Variants in PLEKHA7 observed in about 807,000 individuals in gnomAD.
PLEKHA7 encodes the protein pleckstrin homology domain containing A7.
Under a neutral mutation model 170.0 loss-of-function variants are expected in PLEKHA7, and 104 were observed. The ratio of observed to expected loss-of-function variants is 0.61; its 90% CI spans 0.52 to 0.72. The LOEUF is 0.72. Ranked by LOEUF, PLEKHA7 falls within the 30% of genes least tolerant of loss-of-function variation. The pLI is 0.00. For missense variants in PLEKHA7, 1,615 were observed against 1,671.7 expected (o/e 0.97, Z 0.59); for synonymous variants, 648 against 660.8 (o/e 0.98, Z 0.30).
At chr11:16,885,048 T>C (rs11024069) in intron 3 of PLEKHA7, among the ~76,000 whole-genome samples, 25,373 of 152,174 alleles carry the variant, frequency 0.17, 2,621 homozygotes, top group Non-Finnish European at 0.24. Context: ...TTTTAAGAAA[T>C]AAAGATTTCT....
intron 3 of PLEKHA7, among the ~76,000 whole-genome samples, chr11:16,917,246 G>A (rs965936047): frequency 2.6e-5 from 4 of 152,106 alleles, no homozygotes; most frequent in East Asian, 1.9e-4. Flanking sequence ...AAAATTGGCC[G>A]TTGACTTGCC....
In PLEKHA7 at chr11:16,790,795, T is replaced by C. The variant is rs1428692104; in HGVS notation, c.3052+3A>G. The C allele has an allele frequency of 6.2e-7, 1 of 1,608,246 alleles. No homozygotes were observed. The highest frequency in any genetic ancestry group is 1.1e-5 in the South Asian group (1 of 89,990). Reference sequence around the variant, plus strand: ...AGAAACTCCAGGGAGGGCCCTGCCTTACCTCTGCCTGGCAGCGTCTGGTAC... The same window carrying C: ...AGAAACTCCAGGGAGGGCCCTGCCTCACCTCTGCCTGGCAGCGTCTGGTAC... On this transcript the variant is annotated splice_donor_region_variant and intron_variant, in intron 21 of 26. Coordinates refer to ENST00000531066, the MANE Select transcript of PLEKHA7 (RefSeq NM_001329630.2).
chr11:16,846,373 C>T (rs1852414111), intron 8 of PLEKHA7, among the ~76,000 whole-genome samples: 2 of 152,146 alleles, frequency 1.3e-5, no homozygotes, highest in African/African-American at 4.8e-5. Context: ...AACCTTTAGG[C>T]TGACTCCAAG....
chr11:16,917,589 T>C lies in PLEKHA7; in HGVS notation c.222-46407A>G, dbSNP rs920228139. Among the ~76,000 whole-genome samples the C allele has an allele frequency of 2.0e-5, 3 of 152,208 alleles. No individual in the cohort carries two copies. In the South Asian group the frequency reaches 6.2e-4, roughly 32 times the overall value. On this transcript the variant is annotated intron_variant, in intron 3 of 26. Coordinates refer to ENST00000531066, the MANE Select transcript of PLEKHA7 (RefSeq NM_001329630.2). ...GCTCCAACCTCTACTACCCTCCTCA[T>C]ATTTCCTTCCCTTACTCTGATCTTA...
chr11:17,009,546 T>C (rs190031739), intron 3 of PLEKHA7, among the ~76,000 whole-genome samples: 1 of 152,348 alleles, frequency 6.6e-6, no homozygotes, highest in African/African-American at 2.4e-5. Context: ...AATGACACTA[T>C]TATCACAATT....
At position 16,794,501 on chromosome 11, in the gene PLEKHA7, G is replaced by A. The variant is rs762015229; in HGVS notation, c.2732C>T (p.Ala911Val). 2.9e-5 allele frequency: 46 copies of A among 1,613,504 alleles called. 1 individual carries two copies. The South Asian group carries it at 3.8e-4, about 13-fold the overall frequency. Residue 911 changes from alanine to valine, a missense_variant, in exon 19 of 27, where the codon GCG becomes GTG. By Grantham distance (64) the Ala-to-Val change is moderately conservative (BLOSUM62 0). Transcript: ENST00000531066. ...ATCACTACTTACAACTTTGGGCTTC[G>A]CCTTAGTTGGTGACTGAAGGGGGGA... ...VTSPLQSPTK[A>V]KPKVEDEAPP...
At chr11:16,786,141 G>A (rs1849376757) in intron 24 of PLEKHA7, 88 bp downstream of exon 24, 1 of 1,456,102 alleles carries the variant, frequency 6.9e-7, no homozygotes, top group Non-Finnish European at 9.2e-7. Flanking sequence ...CCCTGTTCAG[G>A]ATGATACCCC....
At chr11:16,844,414 A>C (rs1176928423) in intron 8 of PLEKHA7, among the ~76,000 whole-genome samples, 1 of 152,208 alleles carries the variant, frequency 6.6e-6, no homozygotes. Context: ...GTGAGAGCAT[A>C]TTCAATGGAT....
At chr11:16,921,495 T>A (rs1859087488) in intron 3 of PLEKHA7, among the ~76,000 whole-genome samples, 1 of 152,184 alleles carries the variant, frequency 6.6e-6, no homozygotes, top group African/African-American at 2.4e-5. Context: ...GCCTGGGATA[T>A]TAGAATAGGT....
intron 3 of PLEKHA7, among the ~76,000 whole-genome samples, chr11:16,888,991 C>G (rs1400179375): frequency 9.8e-6 from 1 of 101,550 alleles, no homozygotes; most frequent in Non-Finnish European, 2.1e-5. Flanking sequence ...GGCCTCTGAG[C>G]TGAAGCTCAG....
intron 3 of PLEKHA7, among the ~76,000 whole-genome samples, chr11:16,972,311 G>A (rs113417292): frequency 1.9e-3 from 285 of 152,052 alleles, no homozygotes; most frequent in African/African-American, 6.4e-3. Context: ...TTGTACAGAC[G>A]GGGTTTTGTC....
At position 16,816,261 on chromosome 11, in the gene PLEKHA7, A is replaced by G. The variant is rs1849749305; in HGVS notation, c.1870T>C (p.Ser624Pro). 7 of 1,611,874 alleles carry G rather than the reference A, an allele frequency of 4.3e-6. No individual in the cohort carries two copies. Among genetic ancestry groups the G allele is most frequent in the Non-Finnish European group, 5.9e-6 (7 of 1,178,192 alleles). The change falls in exon 12 of 27, where the codon TCA (serine) becomes CCA (proline). Residue 624 changes from serine to proline, a missense_variant. Ser to Pro is a moderately conservative substitution (Grantham distance 74, BLOSUM62 -1). Coordinates refer to ENST00000531066, the MANE Select transcript of PLEKHA7 (RefSeq NM_001329630.2). ...ATGGAGCGTCGGTCCACATGAGATGAGTTCTGCAAGTGGGGAGACAAGAAG... is the reference window on the plus strand; with the variant it reads ...ATGGAGCGTCGGTCCACATGAGATGGGTTCTGCAAGTGGGGAGACAAGAAG... ...RRARGHAVKN[S>P]SHVDRRSMPS...
intron 3 of PLEKHA7, among the ~76,000 whole-genome samples, chr11:16,873,174 A>G (rs765751177): frequency 3.9e-5 from 6 of 152,210 alleles, no homozygotes; most frequent in Non-Finnish European, 8.8e-5. Flanking sequence ...TATTAGCCCC[A>G]TCTCCAAATT....
chr11:16,892,406 T>TTGTG (rs58762762), intron 3 of PLEKHA7, among the ~76,000 whole-genome samples: 2,689 of 136,838 alleles, frequency 0.02, 74 homozygotes, highest in Non-Finnish European at 0.029. Flanking sequence ...TTGTTTTATT[T>TTGTG]TGTGTGTGTG....
chr11:16,829,073 G>A (rs571749297), intron 9 of PLEKHA7, among the ~76,000 whole-genome samples: 3 of 151,014 alleles, frequency 2.0e-5, no homozygotes, highest in Non-Finnish European at 4.4e-5. Flanking sequence ...CAATGATCAC[G>A]GCTCACTGCA....
Position 16,783,844 on chromosome 11 carries a change from GC to G in PLEKHA7, c.3517-12del. 1 of 1,447,496 alleles carries G rather than the reference GC, an allele frequency of 6.9e-7. No individual in the cohort carries two copies. Among genetic ancestry groups the G allele is most frequent in the East Asian group, 2.8e-5 (1 of 35,818 alleles). 89.7% of individuals were successfully genotyped at this position (1,447,496 alleles called of 1,614,324 possible). ...CTCTGGTTTGGACAGCTGGGGAGAG[GC>G]CAGGAGGTGGCAGAGGGAGAGGCTC... On this transcript the variant is annotated splice_polypyrimidine_tract_variant and intron_variant, in intron 24 of 26. Coordinates refer to ENST00000531066, the MANE Select transcript of PLEKHA7 (RefSeq NM_001329630.2).
intron 9 of PLEKHA7, among the ~76,000 whole-genome samples, chr11:16,836,882 G>T (rs1851556989): frequency 6.6e-6 from 1 of 151,562 alleles, no homozygotes; most frequent in Admixed American, 6.6e-5. Context: ...GGAATGCAAT[G>T]GCATGATCTT....
At chr11:16,923,860 A>G (rs1859285660) in intron 3 of PLEKHA7, among the ~76,000 whole-genome samples, 1 of 152,174 alleles carries the variant, frequency 6.6e-6, no homozygotes, top group African/African-American at 2.4e-5. Context: ...TCTACAGTCC[A>G]GTCCTTCCAC....
At chr11:16,917,524 T>A (rs960231648) in intron 3 of PLEKHA7, among the ~76,000 whole-genome samples, 1 of 152,218 alleles carries the variant, frequency 6.6e-6, no homozygotes, top group African/African-American at 2.4e-5. Context: ...CTCTTCCAGC[T>A]TCTAGAGGCT....
Sources: allele counts gnomAD v4.1 joint callset (sites outside exome capture counted in the v4.1 genomes callset), GRCh38; gene constraint gnomAD v4.1.1; transcripts MANE v1.5; gene names NCBI Gene and HGNC (gene_info 2026-07-23, HGNC 2026-07-21).